GPR158: variants seen among roughly 807,000 people sequenced by gnomAD.
GPR158 encodes the protein G protein-coupled receptor 158, also known as metabotropic glycine receptor.
GPR158 carries 30 observed loss-of-function variants against 78.2 expected under a neutral mutation model. The observed-to-expected ratio is 0.38, with a 90% CI of 0.29 to 0.52. GPR158 has a LOEUF of 0.52. GPR158 is among the 20% of genes least tolerant of loss of function. The probability of loss-of-function intolerance (pLI) is 0.83; values close to 1 mark genes in which losing one functional copy is unlikely to be tolerated. For synonymous variants in GPR158, 581 were observed against 591.1 expected, an observed-to-expected ratio of 0.98 and a Z score of 0.25; for missense variants, 1,463 against 1,523.5, an observed-to-expected ratio of 0.96 and a Z score of 0.66.
intron 5 of GPR158, among the ~76,000 whole-genome samples, chr10:25,484,853 T>C (rs1318185455): frequency 6.6e-6 from 1 of 152,184 alleles, no homozygotes; most frequent in Non-Finnish European, 1.5e-5. Flanking sequence ...TATTCATTTC[T>C]AGAGCCTGAT....
At chr10:25,445,718 T>C (rs1835130902) in intron 4 of GPR158, among the ~76,000 whole-genome samples, 1 of 151,566 alleles carries the variant, frequency 6.6e-6, no homozygotes, top group Non-Finnish European at 1.5e-5. Flanking sequence ...TGCCATGATA[T>C]TGGTAGTGGC....
chr10:25,302,118 C>T (rs1370730848), intron 2 of GPR158, among the ~76,000 whole-genome samples: 1 of 146,390 alleles, frequency 6.8e-6, no homozygotes, highest in East Asian at 2.0e-4. Context: ...GTCGCCCAGG[C>T]TGGAGTGCAG....
intron 4 of GPR158, among the ~76,000 whole-genome samples, chr10:25,414,078 A>G (rs191494048): frequency 6.6e-6 from 1 of 152,272 alleles, no homozygotes; most frequent in Non-Finnish European, 1.5e-5. Context: ...TAATGTAATT[A>G]ATTTATATGG....
At chr10:25,367,024 A>G (rs951467303) in intron 2 of GPR158, among the ~76,000 whole-genome samples, 3 of 151,748 alleles carry the variant, frequency 2.0e-5, no homozygotes, top group East Asian at 3.9e-4. Flanking sequence ...TAAATTGTCT[A>G]TTGATCAAAA....
chr10:25,298,114 T>A (rs1261565330), intron 2 of GPR158, among the ~76,000 whole-genome samples: 2 of 152,210 alleles, frequency 1.3e-5, no homozygotes, highest in Non-Finnish European at 1.5e-5. Context: ...ATTTAGATTA[T>A]ATTCTATATA....
intron 5 of GPR158, among the ~76,000 whole-genome samples, chr10:25,513,690 G>A (rs886886908): frequency 1.3e-5 from 2 of 151,986 alleles, no homozygotes; most frequent in African/African-American, 4.8e-5. Flanking sequence ...TGCTTTTGCT[G>A]TATCCCAGAG....
chr10:25,383,076 C>T (rs1263070755), intron 2 of GPR158, among the ~76,000 whole-genome samples: 1 of 152,144 alleles, frequency 6.6e-6, no homozygotes, highest in Non-Finnish European at 1.5e-5. Flanking sequence ...ACCTGACGAT[C>T]CACCTGCCTC....
At chr10:25,281,491 C>A (rs1401257361) in intron 2 of GPR158, among the ~76,000 whole-genome samples, 1 of 151,246 alleles carries the variant, frequency 6.6e-6, no homozygotes, top group African/African-American at 2.4e-5. Context: ...AGTGAGAGGA[C>A]TGCTTGAACC....
intron 5 of GPR158, among the ~76,000 whole-genome samples, chr10:25,510,071 T>A (rs1044375882): frequency 3.7e-4 from 56 of 152,302 alleles, no homozygotes; most frequent in African/African-American, 1.3e-3. Flanking sequence ...TCCAGTATAC[T>A]CTACTGGACG....
At chr10:25,548,596 A>T (rs1836693721) in intron 5 of GPR158, among the ~76,000 whole-genome samples, 1 of 152,230 alleles carries the variant, frequency 6.6e-6, no homozygotes, top group African/African-American at 2.4e-5. Flanking sequence ...TGGCAACGCA[A>T]TATTAAATAA....
At chr10:25,241,087 T>A (rs1853597978) in intron 2 of GPR158, among the ~76,000 whole-genome samples, 1 of 152,098 alleles carries the variant, frequency 6.6e-6, no homozygotes, top group Admixed American at 6.5e-5. Flanking sequence ...ATGTATTTTT[T>A]AACTCAATTA....
At chr10:25,345,606 C>T (rs1175391588) in intron 2 of GPR158, among the ~76,000 whole-genome samples, 2 of 151,940 alleles carry the variant, frequency 1.3e-5, no homozygotes. Flanking sequence ...ATTTATGATG[C>T]AAATGTACTG....
Position 25,513,988 on chromosome 10 carries a change from A to G in GPR158, c.1405-36988A>G, listed in dbSNP as rs990938927. Among the ~76,000 whole-genome samples, 3 of 152,148 alleles carry G rather than the reference A, an allele frequency of 2.0e-5. No individual in the cohort carries two copies. In the East Asian group the frequency reaches 5.8e-4, roughly 29 times the overall value. On this transcript the variant is annotated intron_variant, in intron 5 of 10. Coordinates refer to ENST00000376351, the MANE Select transcript of GPR158 (RefSeq NM_020752.3). The stretch of plus-strand genomic sequence containing the variant: ...CCATGTGCTGATGAATAGAATGTAC[A>G]TTCTGCAGTTGTCAGGTACAATGTT...
intron 2 of GPR158, among the ~76,000 whole-genome samples, chr10:25,263,941 A>G (rs752167164): frequency 4.6e-5 from 7 of 152,190 alleles, no homozygotes; most frequent in Non-Finnish European, 7.3e-5. Flanking sequence ...TCTTTAAAAA[A>G]ATGAAATAAA....
chr10:25,337,343 A>C (rs539357), intron 2 of GPR158, among the ~76,000 whole-genome samples: 124,514 of 151,964 alleles, frequency 0.82, 52,054 homozygotes, highest in African/African-American at 0.91. Context: ...TCAAGGGTAA[A>C]CACATTTCTA....
chr10:25,195,285 A>T (rs1246090437), intron 1 of GPR158, among the ~76,000 whole-genome samples: 3 of 151,730 alleles, frequency 2.0e-5, no homozygotes, highest in African/African-American at 7.3e-5. Flanking sequence ...GGCTCACTGC[A>T]ACCTCCTCCT....
At position 25,354,468 on chromosome 10, in the gene GPR158, G is replaced by A. The variant is rs77187684; in HGVS notation, c.1009-41443G>A. ...TCTCTACACTTTAGCTCCATTCCCC[G>A]CTACATTTAGACTTTGTCTCAATTT... On this transcript the variant is annotated intron_variant, in intron 2 of 10. Transcript: ENST00000376351. Among the ~76,000 whole-genome samples, 48 of 151,754 alleles carry A rather than the reference G, an allele frequency of 3.2e-4. No individual in the cohort carries two copies. In the East Asian group the frequency reaches 8.4e-3, roughly 27 times the overall value.
chr10:25,396,270 G>A (rs936298783), intron 3 of GPR158, among the ~76,000 whole-genome samples: 1 of 152,060 alleles, frequency 6.6e-6, no homozygotes, highest in Admixed American at 6.5e-5. Context: ...GTAGCTATCT[G>A]GTAAGACCAA....
intron 2 of GPR158, among the ~76,000 whole-genome samples, chr10:25,269,085 T>C (rs977025953): frequency 6.6e-6 from 1 of 152,164 alleles, no homozygotes; most frequent in Non-Finnish European, 1.5e-5. Flanking sequence ...CTCAATACTC[T>C]GGCAAAGAAG....
Sources: allele counts gnomAD v4.1 joint callset (sites outside exome capture counted in the v4.1 genomes callset), GRCh38; gene constraint gnomAD v4.1.1; transcripts MANE v1.5; gene names NCBI Gene and HGNC (gene_info 2026-07-23, HGNC 2026-07-21).